PTPRD: variants seen among roughly 807,000 people sequenced by gnomAD.
PTPRD encodes protein tyrosine phosphatase receptor type D.
PTPRD carries 34 observed loss-of-function variants against 214.5 expected under a neutral mutation model. The ratio of observed to expected loss-of-function variants is 0.16; its 90% CI spans 0.12 to 0.21. The LOEUF is 0.21. PTPRD is among the 10% of genes least tolerant of loss of function. PTPRD has a pLI of 1.00. For synonymous variants in PTPRD, 1,128 were observed against 845.7 expected (o/e 1.33, Z -5.79); for missense variants, 2,545 against 2,398.7 (o/e 1.06, Z -1.27).
At chr9:10,126,262 C>T (rs180958105) in intron 3 of PTPRD, among the ~76,000 whole-genome samples, 38 of 152,146 alleles carry the variant, frequency 2.5e-4, no homozygotes, top group Admixed American at 6.5e-4. Context: ...TAGTTTTATA[C>T]GACATGGCAT....
intron 21 of PTPRD, among the ~76,000 whole-genome samples, chr9:8,517,476 T>G (rs1042759652): frequency 1.3e-5 from 2 of 152,202 alleles, no homozygotes; most frequent in Non-Finnish European, 2.9e-5. Context: ...TCTTGAACCA[T>G]CCAATCTTAC....
intron 3 of PTPRD, among the ~76,000 whole-genome samples, chr9:10,282,655 A>C (rs2095179711): frequency 6.6e-6 from 1 of 152,176 alleles, no homozygotes. Context: ...CAGCTTTAAA[A>C]AATACTCACA....
intron 6 of PTPRD, among the ~76,000 whole-genome samples, chr9:9,765,243 C>A (rs766042695): frequency 7.2e-5 from 11 of 152,230 alleles, no homozygotes; most frequent in Admixed American, 1.3e-4. Flanking sequence ...TTATAGGAGG[C>A]TTTCTTCTTC....
At chr9:10,591,234 T>C (rs1056203015) in intron 2 of PTPRD, among the ~76,000 whole-genome samples, 3 of 151,908 alleles carry the variant, frequency 2.0e-5, no homozygotes, top group African/African-American at 7.2e-5. Context: ...TCCATCTCTA[T>C]TTATATTATT....
chr9:8,977,987 G>C (rs1394779385), intron 11 of PTPRD, among the ~76,000 whole-genome samples: 2 of 151,934 alleles, frequency 1.3e-5, no homozygotes, highest in African/African-American at 4.8e-5. Flanking sequence ...AAATGCCTTG[G>C]GGTGTTTCAT....
intron 3 of PTPRD, among the ~76,000 whole-genome samples, chr9:10,174,807 C>A (rs150446050): frequency 2.0e-5 from 3 of 151,722 alleles, no homozygotes; most frequent in Admixed American, 6.6e-5. Context: ...AAAAAGTAAC[C>A]CCATAGTAAA....
intron 4 of PTPRD, among the ~76,000 whole-genome samples, chr9:9,971,241 C>G (rs2154047737): frequency 6.6e-6 from 1 of 152,166 alleles, no homozygotes; most frequent in Middle Eastern, 3.4e-3. Context: ...ATTCTTCAGT[C>G]TGAGTGGTTA....
chr9:10,109,077 A>T (rs563555588), intron 3 of PTPRD, among the ~76,000 whole-genome samples: 2 of 152,308 alleles, frequency 1.3e-5, no homozygotes, highest in Admixed American at 1.3e-4. Context: ...CAACTAGCAT[A>T]AAAAAAGAAA....
chr9:10,417,035 T>A (rs1358173996), intron 2 of PTPRD, among the ~76,000 whole-genome samples: 2 of 151,880 alleles, frequency 1.3e-5, no homozygotes, highest in Non-Finnish European at 2.9e-5. Flanking sequence ...AGGGTGTTGA[T>A]GAAGACAGTG....
At chr9:9,783,318 C>G (rs2098877150) in intron 5 of PTPRD, among the ~76,000 whole-genome samples, 1 of 152,104 alleles carries the variant, frequency 6.6e-6, no homozygotes, top group African/African-American at 2.4e-5. Flanking sequence ...CAATTTCTTT[C>G]TTGCATGAAA....
At chr9:10,025,226 A>G (rs927145018) in intron 4 of PTPRD, among the ~76,000 whole-genome samples, 1 of 152,126 alleles carries the variant, frequency 6.6e-6, no homozygotes, top group African/African-American at 2.4e-5. Flanking sequence ...ACAATGGTTG[A>G]ACTACTTTAC....
At chr9:9,665,872 T>G (rs574555560) in intron 7 of PTPRD, among the ~76,000 whole-genome samples, 1 of 151,944 alleles carries the variant, frequency 6.6e-6, no homozygotes, top group African/African-American at 2.4e-5. Context: ...GTAATTTGAT[T>G]GAAGTGACAT....
At chr9:10,415,149 G>A (rs903186310) in intron 2 of PTPRD, among the ~76,000 whole-genome samples, 1 of 151,684 alleles carries the variant, frequency 6.6e-6, no homozygotes, top group African/African-American at 2.4e-5. Flanking sequence ...CAAATAATTT[G>A]TGACTTAGCT....
chr9:9,140,853 C>G (rs1456647774), intron 10 of PTPRD, among the ~76,000 whole-genome samples: 2 of 152,154 alleles, frequency 1.3e-5, no homozygotes, highest in African/African-American at 4.8e-5. Context: ...GCTGGGATTA[C>G]AGGCGTGAGC....
At chr9:9,747,260 G>A (rs997819836) in intron 6 of PTPRD, among the ~76,000 whole-genome samples, 1 of 152,092 alleles carries the variant, frequency 6.6e-6, no homozygotes, top group Non-Finnish European at 1.5e-5. Flanking sequence ...CTTCTGTTCA[G>A]GCTCATGATT....
intron 11 of PTPRD, among the ~76,000 whole-genome samples, chr9:8,967,301 G>C (rs564156515): frequency 6.6e-6 from 1 of 151,730 alleles, no homozygotes; most frequent in African/African-American, 2.4e-5. Flanking sequence ...TATTTGATTG[G>C]ATATGAAATG....
At chr9:10,599,230 A>C in intron 2 of PTPRD, among the ~76,000 whole-genome samples, 1 of 151,694 alleles carries the variant, frequency 6.6e-6, no homozygotes, top group East Asian at 1.9e-4. Context: ...CATGAAAAAA[A>C]CCATGTCATC....
chr9:9,597,579 A>C (rs1055656703), intron 7 of PTPRD, among the ~76,000 whole-genome samples: 1 of 152,066 alleles, frequency 6.6e-6, no homozygotes, highest in Non-Finnish European at 1.5e-5. Context: ...GCAAAAACGA[A>C]AGCAGGAGAG....
At chr9:8,918,343 A>G (rs1566990769) in intron 11 of PTPRD, among the ~76,000 whole-genome samples, 1 of 152,218 alleles carries the variant, frequency 6.6e-6, no homozygotes, top group Non-Finnish European at 1.5e-5. Flanking sequence ...CCAAGACTGG[A>G]AGTACACAAT....
Sources: gnomAD v4.1 joint callset for allele counts (sites outside exome capture counted in the v4.1 genomes callset) on GRCh38, gnomAD v4.1.1 for gene constraint, MANE v1.5 for transcripts, NCBI Gene and HGNC (gene_info 2026-07-23, HGNC 2026-07-21) for gene names.